The following PIP4K2A variants were observed in gnomAD, a reference collection of about 807,000 sequenced individuals.
PIP4K2A encodes phosphatidylinositol 5-phosphate 4-kinase type-2 alpha.
PIP4K2A carries 14 observed loss-of-function variants against 42.9 expected under a neutral mutation model. The ratio of observed to expected loss-of-function variants is 0.33; its 90% confidence interval spans 0.22 to 0.51. The LOEUF is 0.51. PIP4K2A is among the 20% of genes least tolerant of loss of function. The pLI is 0.97. For synonymous variants in PIP4K2A, 192 were observed against 192.2 expected, an observed-to-expected ratio of 1.00 and a Z score of 0.01; for missense variants, 434 against 519.8, an observed-to-expected ratio of 0.83 and a Z score of 1.61.
chr10:22,700,077 G>C (rs987387573), intron 1 of PIP4K2A, among the ~76,000 whole-genome samples: 1 of 152,288 alleles, frequency 6.6e-6, no homozygotes, highest in African/African-American at 2.4e-5. Context: ...TTCTGAGATC[G>C]AGCAGAAGCC....
At position 22,585,949 on chromosome 10, in the gene PIP4K2A, T is replaced by C. The variant is rs529644706; in HGVS notation, c.492+5680A>G. ...AGCTACATGATACCAAAGCTCCCAATGAATTCACGTCAGTGCGGGGAAAAA... is the reference window on the plus strand; with the variant it reads ...AGCTACATGATACCAAAGCTCCCAACGAATTCACGTCAGTGCGGGGAAAAA... On this transcript the variant is annotated intron_variant, in intron 4 of 9. Transcript: ENST00000376573. Among the ~76,000 whole-genome samples, 11 of 150,056 alleles carry C rather than the reference T, an allele frequency of 7.3e-5. No homozygotes were observed. The East Asian group carries it at 1.2e-3, about 16-fold the overall frequency.
At chr10:22,669,139 T>A (rs2130855653) in intron 1 of PIP4K2A, among the ~76,000 whole-genome samples, 1 of 152,294 alleles carries the variant, frequency 6.6e-6, no homozygotes, top group African/African-American at 2.4e-5. Flanking sequence ...GTCACAGTAC[T>A]AGCCATATGC....
At chr10:22,594,086 G>C (rs924012925) in intron 3 of PIP4K2A, among the ~76,000 whole-genome samples, 2 of 152,168 alleles carry the variant, frequency 1.3e-5, no homozygotes, top group Non-Finnish European at 2.9e-5. Context: ...AGCAGGTCAG[G>C]GGTGGGGCAT....
At chr10:22,581,762 T>G (rs145029688) in intron 4 of PIP4K2A, among the ~76,000 whole-genome samples, 1 of 152,238 alleles carries the variant, frequency 6.6e-6, no homozygotes, top group East Asian at 1.9e-4. Flanking sequence ...TTTTCTCATC[T>G]GTAACATGCA....
intron 4 of PIP4K2A, among the ~76,000 whole-genome samples, chr10:22,579,913 G>GA (rs58793923): frequency 1.4e-5 from 2 of 147,282 alleles, no homozygotes; most frequent in African/African-American, 2.5e-5. Context: ...CGTCTGAGAA[G>GA]AAAAAAAAGA....
chr10:22,630,598 G>C (rs1400981739), intron 1 of PIP4K2A, among the ~76,000 whole-genome samples: 2 of 152,194 alleles, frequency 1.3e-5, no homozygotes, highest in African/African-American at 4.8e-5. Flanking sequence ...TTCTAGAACT[G>C]CTGTATTTAT....
chr10:22,566,805 G>A (rs370511624), intron 6 of PIP4K2A, among the ~76,000 whole-genome samples: 41 of 152,234 alleles, frequency 2.7e-4, no homozygotes, highest in East Asian at 9.6e-4. Flanking sequence ...TGAGCCAGGC[G>A]CCCTTGCTAT....
intron 1 of PIP4K2A, among the ~76,000 whole-genome samples, chr10:22,643,046 AAGG>A (rs1235292186): frequency 2.0e-5 from 3 of 152,134 alleles, no homozygotes; most frequent in Non-Finnish European, 4.4e-5. Flanking sequence ...CTCCAGCACC[AAGG>A]AGGAGGAGTG....
rs564964839 is a variant in PIP4K2A at position 22,699,321 on chromosome 10, C to T, written c.144+14862G>A. On this transcript the variant is annotated intron_variant, in intron 1 of 9. Coordinates refer to ENST00000376573, the MANE Select transcript of PIP4K2A (RefSeq NM_005028.5). ...GCCCTTTGATTCTACAGGAAATGTA[C>T]TCCAAGGCCTAATGTAGTAAAAGCC... Among the ~76,000 whole-genome samples the T allele has an allele frequency of 2.6e-5, 4 of 152,176 alleles. No individual in the cohort carries two copies. In the East Asian group the frequency reaches 7.7e-4, roughly 29 times the overall value.
intron 3 of PIP4K2A, among the ~76,000 whole-genome samples, chr10:22,601,770 C>G (rs1837786367): frequency 1.3e-5 from 2 of 152,198 alleles, no homozygotes; most frequent in Admixed American, 6.5e-5. Context: ...AGGCCACAAG[C>G]CTCACCAGGT....
intron 1 of PIP4K2A, among the ~76,000 whole-genome samples, chr10:22,697,339 ATTC>A (rs1354003325): frequency 6.6e-6 from 1 of 152,238 alleles, no homozygotes; most frequent in Non-Finnish European, 1.5e-5. Flanking sequence ...ATACTACATA[ATTC>A]TTGACAGAGT....
intron 1 of PIP4K2A, among the ~76,000 whole-genome samples, chr10:22,655,724 G>A (rs1269282119): frequency 1.3e-5 from 2 of 152,138 alleles, no homozygotes; most frequent in Non-Finnish European, 2.9e-5. Flanking sequence ...TGACTGGATG[G>A]CTAGAAAACA....
Position 22,680,269 on chromosome 10 carries a change from T to C in PIP4K2A, c.144+33914A>G, listed in dbSNP as rs189386372. Among the ~76,000 whole-genome samples, 390 of 152,276 alleles carry C rather than the reference T, an allele frequency of 2.6e-3. 2 individuals carry two copies. The highest frequency in any genetic ancestry group is 8.8e-3 in the African/African-American group (367 of 41,564). On this transcript the variant is annotated intron_variant, in intron 1 of 9. Transcript: ENST00000376573. ...ACACGAATAAAGCAGAGTACAAAAC[T>C]ATAAATAAATTTTATAAAACAAGAA...
chr10:22,569,744 A>T (rs553042312), intron 5 of PIP4K2A, among the ~76,000 whole-genome samples: 1 of 152,210 alleles, frequency 6.6e-6, no homozygotes, highest in African/African-American at 2.4e-5. Flanking sequence ...GGGAAGCTTC[A>T]TCTGTATGCA....
In PIP4K2A at chr10:22,608,016, T is replaced by C. The variant is rs1051907479; in HGVS notation, c.250A>G (p.Met84Val). The change falls in exon 3 of 10, where the codon ATG becomes GTG. Residue 84 changes from methionine (M) to valine (V), a missense_variant. Physicochemically the swap from Met to Val is conservative, Grantham distance 21. Transcript: ENST00000376573. Reference protein sequence around the residue: ...VDNHLFNKENMPSHFKFKEYC... With the variant: ...VDNHLFNKENVPSHFKFKEYC... ...TCCTTAAACTTGAAATGGCTCGGCA[T>C]GTTTTCTCTGAAACAGTCACAGCGT... The C allele has an allele frequency of 6.2e-7, 1 of 1,606,130 alleles. No homozygotes were observed. The highest frequency in any genetic ancestry group is 8.5e-7 in the Non-Finnish European group (1 of 1,173,224).
intron 1 of PIP4K2A, among the ~76,000 whole-genome samples, chr10:22,666,561 G>A (rs1839356745): frequency 6.6e-6 from 1 of 152,172 alleles, no homozygotes; most frequent in Non-Finnish European, 1.5e-5. Context: ...TACTCAGAAG[G>A]CAATTCCAAA....
chr10:22,714,305 C>T lies in PIP4K2A; in HGVS notation c.22G>A (p.Gly8Arg), dbSNP rs1833969509. MATPGNL[G>R]SSVLASKTKT... ...GTCTTGCTCGCCAGGACAGAGGACC[C>T]TAGGTTGCCGGGGGTCGCCATGGCC... The change falls in exon 1 of 10, where the codon GGG becomes AGG. Residue 8 changes from glycine (G) to arginine (R), a missense_variant. Gly to Arg is a moderately radical substitution (Grantham distance 125). Around this residue, in one of 2 missense-constraint regions of PIP4K2A, gnomAD observed 395 missense variants for 444.5 expected, o/e 0.89. Coordinates refer to ENST00000376573, the MANE Select transcript of PIP4K2A (RefSeq NM_005028.5). 6.2e-7 allele frequency: 1 copy of T among 1,607,830 alleles called. No individual in the cohort carries two copies. Among genetic ancestry groups the T allele is most frequent in the African/African-American group, 1.3e-5 (1 of 74,402 alleles).
chr10:22,608,716 T>C (rs1034147536), intron 2 of PIP4K2A, among the ~76,000 whole-genome samples: 1 of 151,990 alleles, frequency 6.6e-6, no homozygotes, highest in Non-Finnish European at 1.5e-5. Context: ...TTACAAAAAG[T>C]TTTTTAAAAA....
intron 1 of PIP4K2A, among the ~76,000 whole-genome samples, chr10:22,665,187 G>A (rs1839323191): frequency 6.6e-6 from 1 of 152,078 alleles, no homozygotes; most frequent in Non-Finnish European, 1.5e-5. Flanking sequence ...ACCAACCTGT[G>A]ACTTTCAAGC....
Sources: gnomAD v4.1 joint callset for allele counts (sites outside exome capture counted in the v4.1 genomes callset) on GRCh38, gnomAD v4.1.1 for gene constraint, gnomAD v4.1.1 regional missense constraint, MANE v1.5 for transcripts, NCBI Gene and HGNC (gene_info 2026-07-23, HGNC 2026-07-21) for gene names.